The following CATSPERT variants were observed in gnomAD, a reference collection of about 807,000 sequenced individuals.
CATSPERT encodes catsper channel auxiliary subunit tau.
At chr2:201,615,905 A>C in the CATSPERT span, among the ~76,000 whole-genome samples, 2 of 152,228 alleles carry the variant, frequency 1.3e-5, no homozygotes, top group African/African-American at 2.4e-5. Flanking sequence ...AATACAAACT[A>C]CCATCAGAGA....
the CATSPERT span, among the ~76,000 whole-genome samples, chr2:201,543,085 C>A: frequency 6.6e-6 from 1 of 152,168 alleles, no homozygotes; most frequent in Non-Finnish European, 1.5e-5. Flanking sequence ...TCCAGTTTTC[C>A]CAACACCATT....
the CATSPERT span, among the ~76,000 whole-genome samples, chr2:201,533,111 T>G: frequency 6.6e-6 from 1 of 152,336 alleles, no homozygotes; most frequent in Non-Finnish European, 1.5e-5. Flanking sequence ...TGAAGATATT[T>G]AGAAGTGTAA....
At chr2:201,605,970 CA>C in the CATSPERT span, among the ~76,000 whole-genome samples, 3 of 151,578 alleles carry the variant, frequency 2.0e-5, no homozygotes, top group Non-Finnish European at 4.4e-5. Flanking sequence ...AGCATCGATT[CA>C]AAAAAACTTT....
the CATSPERT span, chr2:201,491,120 C>T: frequency 6.9e-7 from 1 of 1,448,402 alleles, no homozygotes; most frequent in East Asian, 2.5e-5. Flanking sequence ...AAATTATTGC[C>T]AGAACTTTGC....
the CATSPERT span, among the ~76,000 whole-genome samples, chr2:201,595,600 C>G: frequency 2.0e-5 from 3 of 152,040 alleles, no homozygotes; most frequent in African/African-American, 7.3e-5. Context: ...TTAGGCTGCT[C>G]GGGGGTCAGG....
chr2:201,531,420 G>A, the CATSPERT span, among the ~76,000 whole-genome samples: 1 of 151,886 alleles, frequency 6.6e-6, no homozygotes, highest in Non-Finnish European at 1.5e-5. Flanking sequence ...AAGATACAGT[G>A]GTAAATAAGA....
the CATSPERT span, chr2:201,495,812 T>G: frequency 7.5e-5 from 68 of 912,744 alleles, no homozygotes; most frequent in Non-Finnish European, 1.1e-4. Context: ...AATGAGTAGC[T>G]TTTTAGAACT....
At chr2:201,571,940 C>T in the CATSPERT span, 16 of 1,611,800 alleles carry the variant, frequency 9.9e-6, no homozygotes, top group East Asian at 1.1e-4. Flanking sequence ...AAAACACTTA[C>T]GTCACGGGAT....
chr2:201,613,913 C>T, the CATSPERT span, among the ~76,000 whole-genome samples: 1 of 152,076 alleles, frequency 6.6e-6, no homozygotes, highest in Non-Finnish European at 1.5e-5. Context: ...GTGACGCATG[C>T]ACAAGCTTCA....
chr2:201,590,204 C>T, the CATSPERT span, among the ~76,000 whole-genome samples: 9 of 145,310 alleles, frequency 6.2e-5, no homozygotes, highest in African/African-American at 2.3e-4. Context: ...TCTCATTGTT[C>T]AATTCCCACC....
chr2:201,585,391 A>T, the CATSPERT span, among the ~76,000 whole-genome samples: 2 of 146,794 alleles, frequency 1.4e-5, no homozygotes, highest in African/African-American at 5.0e-5. Flanking sequence ...TAAAAAAAAA[A>T]TTCCCTACAG....
chr2:201,542,571 T>A, the CATSPERT span, among the ~76,000 whole-genome samples: 5 of 152,352 alleles, frequency 3.3e-5, no homozygotes, highest in South Asian at 8.3e-4. Flanking sequence ...AGGTGTGATA[T>A]CTCATTATGA....
the CATSPERT span, among the ~76,000 whole-genome samples, chr2:201,522,206 G>A: frequency 6.6e-6 from 1 of 152,184 alleles, no homozygotes; most frequent in Non-Finnish European, 1.5e-5. Flanking sequence ...AATTGGAAAG[G>A]AGGACGTCAA....
chr2:201,554,429 C>T, the CATSPERT span: 6 of 152,132 alleles, frequency 3.9e-5, no homozygotes, highest in African/African-American at 2.4e-5. Flanking sequence ...GCCAGTGACA[C>T]GATATTCTAA....
chr2:201,558,492 T>G, the CATSPERT span, among the ~76,000 whole-genome samples: 1 of 152,226 alleles, frequency 6.6e-6, no homozygotes, highest in Non-Finnish European at 1.5e-5. Flanking sequence ...GCAAACAGCC[T>G]CTGCTGCCCT....
the CATSPERT span, chr2:201,493,252 T>C: frequency 2.0e-6 from 3 of 1,536,684 alleles, no homozygotes; most frequent in Non-Finnish European, 2.6e-6. Flanking sequence ...TCTTGGCAAA[T>C]ACAGTTCTTT....
At chr2:201,575,488 C>G in the CATSPERT span, among the ~76,000 whole-genome samples, 1 of 152,114 alleles carries the variant, frequency 6.6e-6, no homozygotes, top group African/African-American at 2.4e-5. Context: ...GGCAAGCGAG[C>G]AAAGCTTCAT....
the CATSPERT span, among the ~76,000 whole-genome samples, chr2:201,565,026 A>G: frequency 3.7e-5 from 2 of 53,560 alleles, no homozygotes; most frequent in African/African-American, 1.1e-4. Flanking sequence ...AGAAACAAGA[A>G]AGAGCCTGTG....
the CATSPERT span, among the ~76,000 whole-genome samples, chr2:201,541,564 TATATATATATATATAA>T: frequency 8.6e-6 from 1 of 116,528 alleles, no homozygotes; most frequent in Non-Finnish European, 1.7e-5. Context: ...TATATATATA[TATATATATATATATAA>T]AATTTACAAA....
Sources: allele counts gnomAD v4.1 joint callset (sites outside exome capture counted in the v4.1 genomes callset), GRCh38; gene constraint gnomAD v4.1.1; transcripts MANE v1.5; gene names NCBI Gene and HGNC (gene_info 2026-07-23, HGNC 2026-07-21).